PRRC2C: variants seen among roughly 807,000 people sequenced by gnomAD.
PRRC2C encodes proline rich coiled-coil 2C.
PRRC2C carries 72 observed loss-of-function variants against 317.2 expected under a neutral mutation model. That is an observed-to-expected ratio of 0.23 (90% confidence interval 0.19 to 0.28). The LOEUF is 0.28. Among genes scored for constraint, PRRC2C ranks in the 10% least tolerant of loss-of-function variants. The pLI, the probability that PRRC2C is intolerant of heterozygous loss-of-function variation, is 1.00. For missense variants in PRRC2C, 3,074 were observed against 3,459.7 expected, an observed-to-expected ratio of 0.89 and a Z score of 2.80; for synonymous variants, 1,296 against 1,205.9, an observed-to-expected ratio of 1.07 and a Z score of -1.55.
intron 18 of PRRC2C, among the ~76,000 whole-genome samples, chr1:171,555,194 C>T (rs1188560831): frequency 1.3e-5 from 2 of 152,134 alleles, no homozygotes; most frequent in Admixed American, 6.5e-5. Context: ...CTTCTCTTCT[C>T]GCTTCATTTC....
chr1:171,545,198 A>G (rs1168329811), intron 16 of PRRC2C, among the ~76,000 whole-genome samples: 1 of 152,222 alleles, frequency 6.6e-6, no homozygotes, highest in Non-Finnish European at 1.5e-5. Context: ...GCTCATTTAT[A>G]ATATGATAGA....
chr1:171,560,872 T>A, intron 19 of PRRC2C, 146 bp from the exon 20 acceptor site: 1 of 718,736 alleles, frequency 1.4e-6, no homozygotes, highest in South Asian at 1.6e-5. Flanking sequence ...TACATAATAA[T>A]CTTTGTAAGT....
At chr1:171,504,884 A>C (rs1366867154) in intron 1 of PRRC2C, among the ~76,000 whole-genome samples, 1 of 152,138 alleles carries the variant, frequency 6.6e-6, no homozygotes, top group Non-Finnish European at 1.5e-5. Context: ...AAAATAATTG[A>C]CATCTTAATA....
intron 1 of PRRC2C, among the ~76,000 whole-genome samples, chr1:171,489,881 A>G (rs962037800): frequency 1.3e-5 from 2 of 152,142 alleles, no homozygotes; most frequent in African/African-American, 2.4e-5. Context: ...TTTTTCTTCA[A>G]TTCAACTTGC....
In PRRC2C at chr1:171,486,233, A is replaced by G. The variant is rs141319293; in HGVS notation, c.-58+498A>G. Among the ~76,000 whole-genome samples the G allele has an allele frequency of 7.4e-4, 110 of 148,922 alleles. 4 individuals carry two copies. In the East Asian group the frequency reaches 0.021, roughly 28 times the overall value. The stretch of plus-strand genomic sequence containing the variant: ...GGGTGGGACTTGCAATGAGCAATGT[A>G]TGGGAGGGTCTGGTTTAAAGACCTG... On this transcript the variant is annotated intron_variant, in intron 1 of 34. Coordinates refer to ENST00000647382, the MANE Select transcript of PRRC2C (RefSeq NM_001387844.1).
intron 6 of PRRC2C, among the ~76,000 whole-genome samples, chr1:171,521,822 CTTG>C (rs1673634813): frequency 6.6e-6 from 1 of 152,162 alleles, no homozygotes; most frequent in African/African-American, 2.4e-5. Flanking sequence ...TAATTTATAT[CTTG>C]TTGACACAGT....
At chr1:171,586,063 A>ATTGTTTTTTTTT in intron 30 of PRRC2C, among the ~76,000 whole-genome samples, 1 of 83,030 alleles carries the variant, frequency 1.2e-5, no homozygotes, top group Non-Finnish European at 2.2e-5. Flanking sequence ...TCAGGTGTTG[A>ATTGTTTTTTTTT]TTTTTTTTTT....
intron 20 of PRRC2C, among the ~76,000 whole-genome samples, chr1:171,564,226 G>T (rs1329279598): frequency 6.6e-6 from 1 of 152,040 alleles, no homozygotes; most frequent in Non-Finnish European, 1.5e-5. Context: ...AGTTATCAAC[G>T]TTAGTTACAC....
chr1:171,541,632 A>T lies in PRRC2C; in HGVS notation c.4166A>T (p.Asp1389Val). The T allele has an allele frequency of 6.2e-7, 1 of 1,613,846 alleles. No homozygotes were observed. Among genetic ancestry groups the T allele is most frequent in the Non-Finnish European group, 8.5e-7 (1 of 1,179,880 alleles). Residue 1389 changes from aspartate (D) to valine (V), a missense_variant, in exon 16 of 35, where the codon GAT (aspartate) becomes GTT (valine). Coordinates refer to ENST00000647382, the MANE Select transcript of PRRC2C (RefSeq NM_001387844.1). The surrounding 1 kb of genome is among the most constrained non-coding windows in gnomAD (Gnocchi z 4.1). Reference protein sequence around the residue: ...PRQSEVPKPEDGEPPRRHEQF... With the variant: ...PRQSEVPKPEVGEPPRRHEQF... ...CAGTCAGAAGTTCCTAAACCAGAAG[A>T]TGGAGAGCCGCCAAGAAGACATGAG...
At chr1:171,514,692 G>C (rs371074026) in intron 4 of PRRC2C, 47 bp downstream of exon 4, 21 of 1,449,468 alleles carry the variant, frequency 1.4e-5, no homozygotes, top group Non-Finnish European at 2.0e-5. Context: ...GATAGTTACT[G>C]AACAGCCATG....
chr1:171,572,056 G>A (rs1277794405), intron 24 of PRRC2C, among the ~76,000 whole-genome samples: 1 of 151,474 alleles, frequency 6.6e-6, no homozygotes, highest in Non-Finnish European at 1.5e-5. Flanking sequence ...TTTTACAGTT[G>A]TGTTGTTTGA....
At chr1:171,523,108 A>G (rs979016454) in intron 7 of PRRC2C, 113 bp from the exon 8 acceptor site, 3 of 929,100 alleles carry the variant, frequency 3.2e-6, no homozygotes, top group Admixed American at 2.9e-5. Context: ...CATATTAGGT[A>G]TCTTGGTGTA....
In PRRC2C at chr1:171,566,860, G is replaced by T. The variant is rs748239138; in HGVS notation, c.6558+17G>T. The T allele has an allele frequency of 1.9e-6, 3 of 1,591,462 alleles. No homozygotes were observed. Among genetic ancestry groups the T allele is most frequent in the Admixed American group, 1.8e-5 (1 of 55,562 alleles). On this transcript the variant is annotated intron_variant, in intron 22 of 34. Transcript: ENST00000647382. ...AATGCAAAGGTAAGCCACATGTAGG[G>T]ATTACCAGTTCAACAGATGCAAGCC...
chr1:171,537,386 G>A lies in PRRC2C; in HGVS notation c.2417G>A (p.Arg806His), dbSNP rs771172716. The A allele has an allele frequency of 4.4e-6, 7 of 1,587,878 alleles. No homozygotes were observed. The highest frequency in any genetic ancestry group is 2.7e-5 in the African/African-American group (2 of 74,416). The change falls in exon 15 of 35, where the codon CGT becomes CAT. Residue 806 changes from arginine to histidine, a missense_variant. Physicochemically the swap from Arg to His is conservative, Grantham distance 29 (BLOSUM62 0). This residue lies in a region of PRRC2C where 1,320 missense variants were observed against 1,395.7 expected (regional missense o/e 0.95). Transcript: ENST00000647382. Reference protein sequence around the residue: ...RDHAISLSEPRMLWGSDPYPH... With the variant: ...RDHAISLSEPHMLWGSDPYPH... ...CACGCAATTTCCCTTTCTGAGCCTC[G>A]TATGCTGTGGGGGTCAGATCCCTAT...
chr1:171,562,816 A>G (rs531689736), intron 20 of PRRC2C, among the ~76,000 whole-genome samples: 2 of 152,330 alleles, frequency 1.3e-5, no homozygotes, highest in South Asian at 2.1e-4. Flanking sequence ...TCATTAGCAT[A>G]TAGATGATGT....
chr1:171,528,425 A>C (rs1420134281), intron 11 of PRRC2C, among the ~76,000 whole-genome samples: 2 of 151,622 alleles, frequency 1.3e-5, no homozygotes, highest in Non-Finnish European at 2.9e-5. Flanking sequence ...AGTTGCTGGC[A>C]CTACAGATGC....
Position 171,541,507 on chromosome 1 carries a change from G to C in PRRC2C, c.4041G>C (p.Gly1347=). 1.2e-6 allele frequency: 2 copies of C among 1,613,612 alleles called. No individual in the cohort carries two copies. Among genetic ancestry groups the C allele is most frequent in the Non-Finnish European group, 1.7e-6 (2 of 1,179,742 alleles). The part of the protein sequence containing the change: ...PKGEPTRRGR[G]GTFRRGGRDP... ...GAGAGCCTACAAGGAGAGGCAGAGG[G>C]GGAACATTCAGGCGTGGTGGAAGGG... is the stretch of plus-strand genomic sequence containing the variant. The change falls in exon 16 of 35, where the codon GGG becomes GGC. Residue 1347 remains glycine (G), a synonymous_variant. Coordinates refer to ENST00000647382, the MANE Select transcript of PRRC2C (RefSeq NM_001387844.1). The surrounding 1 kb of genome is among the most constrained non-coding windows in gnomAD (Gnocchi z 4.1).
At chr1:171,560,960 G>A in intron 19 of PRRC2C, 58 bp from the exon 20 acceptor site, 1 of 1,363,524 alleles carries the variant, frequency 7.3e-7, no homozygotes, top group Non-Finnish European at 1.0e-6. Flanking sequence ...GGTTAAATGG[G>A]TTAGAGATTA....
chr1:171,542,950 C>T (rs1197366366), intron 16 of PRRC2C, among the ~76,000 whole-genome samples: 2 of 151,442 alleles, frequency 1.3e-5, no homozygotes, highest in African/African-American at 2.4e-5. Flanking sequence ...TTAGTAGAGA[C>T]GGGGTTTCAC....
Sources: allele counts gnomAD v4.1 joint callset (sites outside exome capture counted in the v4.1 genomes callset), GRCh38; gene constraint gnomAD v4.1.1; regional missense constraint gnomAD v4.1.1; non-coding constraint Gnocchi (gnomAD v3.1); transcripts MANE v1.5; gene names NCBI Gene and HGNC (gene_info 2026-07-23, HGNC 2026-07-21).